KDM5B: variants seen among roughly 807,000 people sequenced by gnomAD.
KDM5B encodes the protein lysine demethylase 5B.
KDM5B carries 144 observed loss-of-function variants against 193.4 expected under a neutral mutation model. The observed-to-expected ratio is 0.74, with a 90% CI of 0.65 to 0.86. The LOEUF is 0.86. Among genes scored for constraint, KDM5B ranks in the 40% least tolerant of loss-of-function variants. The probability of loss-of-function intolerance (pLI) is 0.00; values close to 1 mark genes in which losing one functional copy is unlikely to be tolerated. For missense variants in KDM5B, 1,833 were observed against 1,886.9 expected (o/e 0.97, Z 0.53); for synonymous variants, 668 against 682.6 (o/e 0.98, Z 0.33).
chr1:202,787,302 A>G (rs914420515), intron 1 of KDM5B, among the ~76,000 whole-genome samples: 2 of 151,926 alleles, frequency 1.3e-5, no homozygotes, highest in Non-Finnish European at 2.9e-5. Context: ...TGAGCCACCC[A>G]TCCGACCAAG....
chr1:202,763,922 T>C (rs1656346394), intron 6 of KDM5B, 127 bp downstream of exon 6: 3 of 610,012 alleles, frequency 4.9e-6, no homozygotes, highest in Admixed American at 3.4e-5. Context: ...GTGACTACTA[T>C]GTACTGGCTG....
intron 1 of KDM5B, among the ~76,000 whole-genome samples, chr1:202,779,256 C>T (rs1268778378): frequency 6.6e-6 from 1 of 152,104 alleles, no homozygotes; most frequent in Non-Finnish European, 1.5e-5. Context: ...CGCGGTGACT[C>T]ACGCCTGTAA....
chr1:202,768,688 A>G (rs1012068738), intron 4 of KDM5B, among the ~76,000 whole-genome samples: 1 of 148,088 alleles, frequency 6.8e-6, no homozygotes, highest in African/African-American at 2.5e-5. Flanking sequence ...AAACCTACAT[A>G]TTGATTTGAT....
chr1:202,762,650 G>C (rs1656297176), intron 7 of KDM5B, 49 bp downstream of exon 7: 2 of 1,058,184 alleles, frequency 1.9e-6, no homozygotes, highest in East Asian at 4.7e-5. Flanking sequence ...AGAAAGGAAG[G>C]GAAGAAGGAA....
intron 1 of KDM5B, among the ~76,000 whole-genome samples, chr1:202,778,601 G>T (rs1384755675): frequency 6.6e-6 from 1 of 152,040 alleles, no homozygotes; most frequent in Non-Finnish European, 1.5e-5. Context: ...CTGTAGCATA[G>T]ATCTTTTATT....
At chr1:202,744,944 A>G (rs1021703250) in intron 16 of KDM5B, among the ~76,000 whole-genome samples, 8 of 152,228 alleles carry the variant, frequency 5.3e-5, no homozygotes, top group Admixed American at 1.3e-4. Flanking sequence ...TGTGGTACAT[A>G]TACACCATGG....
intron 1 of KDM5B, among the ~76,000 whole-genome samples, chr1:202,787,926 G>T (rs1035916238): frequency 2.6e-5 from 4 of 151,846 alleles, no homozygotes; most frequent in African/African-American, 7.3e-5. Context: ...AGTAAATCTG[G>T]CCTCTCACAG....
intron 1 of KDM5B, among the ~76,000 whole-genome samples, chr1:202,804,784 T>C (rs1441379877): frequency 1.3e-5 from 2 of 148,188 alleles, no homozygotes; most frequent in Non-Finnish European, 3.0e-5. Context: ...CCGAGGCGCA[T>C]GGATCACCTG....
intron 1 of KDM5B, among the ~76,000 whole-genome samples, chr1:202,783,912 G>T (rs1657303838): frequency 6.6e-6 from 1 of 152,016 alleles, no homozygotes; most frequent in African/African-American, 2.4e-5. Flanking sequence ...AGTTTCCTTA[G>T]GACTCAAAAA....
chr1:202,740,041 G>A (rs1655248454), intron 20 of KDM5B, among the ~76,000 whole-genome samples: 2 of 152,150 alleles, frequency 1.3e-5, no homozygotes, highest in Admixed American at 1.3e-4. Context: ...TCACATCCCA[G>A]TAGGGGCAGC....
intron 20 of KDM5B, among the ~76,000 whole-genome samples, chr1:202,737,257 A>G (rs181877457): frequency 6.6e-6 from 1 of 152,360 alleles, no homozygotes; most frequent in East Asian, 1.9e-4. Flanking sequence ...TTTACCATGT[A>G]TAAGAATCAT....
At chr1:202,792,946 A>G (rs1308701564) in intron 1 of KDM5B, among the ~76,000 whole-genome samples, 1 of 151,638 alleles carries the variant, frequency 6.6e-6, no homozygotes, top group Non-Finnish European at 1.5e-5. Flanking sequence ...GCAGTGAGCC[A>G]AGACCGTGCC....
In KDM5B at chr1:202,767,398, C is replaced by A. The variant is rs904286903; in HGVS notation, c.577-338G>T. ...CCTACGGACCACAGAGGCTGTGAAC[C>A]TCCGGATGCTCTAGCCCAACATAGC... On this transcript the variant is annotated intron_variant, in intron 4 of 26. Coordinates refer to ENST00000367265, the MANE Select transcript of KDM5B (RefSeq NM_006618.5). The A allele has an allele frequency of 2.8e-6, 4 of 1,446,158 alleles. No individual in the cohort carries two copies. The African/African-American group carries it at 4.2e-5, about 15-fold the overall frequency. The allele number at this position is 1,446,158 out of a possible 1,614,324, so 89.6% of individuals were successfully genotyped here.
intron 13 of KDM5B, among the ~76,000 whole-genome samples, chr1:202,750,043 T>C (rs1480056552): frequency 6.6e-6 from 1 of 152,232 alleles, no homozygotes; most frequent in Non-Finnish European, 1.5e-5. Context: ...ACTGGAATTA[T>C]TTATCAGTTT....
chr1:202,760,323 TA>T, intron 8 of KDM5B, 91 bp downstream of exon 8: 1 of 884,976 alleles, frequency 1.1e-6, no homozygotes, highest in Non-Finnish European at 1.7e-6. Context: ...CTAAAAAAAA[TA>T]AAATAAAATA....
intron 20 of KDM5B, among the ~76,000 whole-genome samples, chr1:202,740,176 C>T (rs1245141395): frequency 6.9e-6 from 1 of 144,124 alleles, no homozygotes; most frequent in Non-Finnish European, 1.5e-5. Flanking sequence ...CCAGTAGGGG[C>T]GGCCGGGCAG....
chr1:202,789,061 C>T (rs1262407616), intron 1 of KDM5B, among the ~76,000 whole-genome samples: 1 of 152,122 alleles, frequency 6.6e-6, no homozygotes, highest in Non-Finnish European at 1.5e-5. Flanking sequence ...AACTTTAAGG[C>T]CTCATTAGAT....
intron 18 of KDM5B, 141 bp from the exon 19 acceptor site, chr1:202,741,863 G>A (rs1303230153): frequency 5.0e-6 from 3 of 604,870 alleles, no homozygotes; most frequent in African/African-American, 3.7e-5. Flanking sequence ...TAACACATAA[G>A]CCAACTAACA....
At chr1:202,796,301 C>A in intron 1 of KDM5B, 1 of 413,420 alleles carries the variant, frequency 2.4e-6, no homozygotes, top group Non-Finnish European at 4.9e-6. Context: ...CGCTGTGCCA[C>A]CTGGTTTTAA....
Sources: allele counts gnomAD v4.1 joint callset (sites outside exome capture counted in the v4.1 genomes callset), GRCh38; gene constraint gnomAD v4.1.1; transcripts MANE v1.5; gene names NCBI Gene and HGNC (gene_info 2026-07-23, HGNC 2026-07-21).